The following USP34 variants were observed in gnomAD, a reference collection of about 807,000 sequenced individuals.
USP34 encodes ubiquitin specific peptidase 34.
Under a neutral mutation model 460.3 loss-of-function variants are expected in USP34, and 70 were observed. The ratio of observed to expected loss-of-function variants is 0.15; its 90% CI spans 0.13 to 0.19. USP34 has a LOEUF of 0.19. Ranked by LOEUF, USP34 falls within the 10% of genes least tolerant of loss-of-function variation. The pLI is 1.00. For synonymous variants in USP34, 1,647 were observed against 1,405.3 expected, an observed-to-expected ratio of 1.17 and a Z score of -3.85; for missense variants, 3,985 against 4,236.2, an observed-to-expected ratio of 0.94 and a Z score of 1.65.
At chr2:61,417,497 G>A (rs1694229493) in intron 2 of USP34, 3 of 223,286 alleles carry the variant, frequency 1.3e-5, no homozygotes, top group African/African-American at 6.8e-5. Context: ...AACTGTACCT[G>A]AGAAATCAGA....
At chr2:61,217,589 CACT>C in intron 67 of USP34, among the ~76,000 whole-genome samples, 1 of 152,254 alleles carries the variant, frequency 6.6e-6, no homozygotes, top group Admixed American at 6.5e-5. Context: ...TAAAATTTTT[CACT>C]ACTAAAAATC....
At position 61,223,120 on chromosome 2, in the gene USP34, T is replaced by C; in HGVS notation, c.7689A>G (p.Ile2563Met). Residue 2563 changes from isoleucine to methionine, a missense_variant, in exon 64 of 80, where the codon ATA becomes ATG. This residue lies in a region of USP34 where 604 missense variants were observed against 684.8 expected (regional missense o/e 0.88). Transcript: ENST00000398571. ...LFQHIRDGIN[I>M]RQTCNLIFSL... is the part of the protein sequence containing the mutation. ...TGAAAATCAGATTACAAGTTTGTCTTATATTGATGCCATCACGAATATGTT... is the reference window on the plus strand; with the variant it reads ...TGAAAATCAGATTACAAGTTTGTCTCATATTGATGCCATCACGAATATGTT... 6.2e-7 allele frequency: 1 copy of C among 1,614,160 alleles called. No homozygotes were observed. The highest frequency in any genetic ancestry group is 1.1e-5 in the South Asian group (1 of 91,078).
chr2:61,441,714 G>C (rs1010160538), intron 1 of USP34, among the ~76,000 whole-genome samples: 2 of 149,246 alleles, frequency 1.3e-5, no homozygotes, highest in African/African-American at 2.5e-5. Flanking sequence ...TGAGGTGGGA[G>C]AATCAACTGT....
chr2:61,229,076 T>C, intron 59 of USP34, 81 bp from the exon 60 acceptor site: 2 of 1,114,910 alleles, frequency 1.8e-6, no homozygotes, highest in Non-Finnish European at 2.4e-6. Context: ...TTTTAAACTC[T>C]GAATTTCTTT....
At chr2:61,371,933 G>A (rs911727323) in intron 8 of USP34, among the ~76,000 whole-genome samples, 18 of 152,108 alleles carry the variant, frequency 1.2e-4, no homozygotes, top group African/African-American at 4.3e-4. Context: ...GTACAGGCTT[G>A]GAGTCAAGCA....
In USP34 at chr2:61,208,912, A is replaced by C. The variant is rs1206486255; in HGVS notation, c.8906T>G (p.Ile2969Ser). 3.1e-6 allele frequency: 5 copies of C among 1,594,248 alleles called. No individual in the cohort carries two copies. Residue 2969 changes from isoleucine to serine, a missense_variant, in exon 70 of 80, where the codon ATT (isoleucine) becomes AGT (serine). Transcript: ENST00000398571. Reference sequence around the variant, plus strand: ...TAGAATATTTACCTCTGTCATTAGAATCAATCCTCGATTAAATACAACAAG... The same window carrying C: ...TAGAATATTTACCTCTGTCATTAGACTCAATCCTCGATTAAATACAACAAG... ...RLLVVFNRGL[I>S]LMTESFNTLH...
chr2:61,399,936 G>T (rs921448219), intron 3 of USP34, among the ~76,000 whole-genome samples: 2 of 144,668 alleles, frequency 1.4e-5, no homozygotes, highest in African/African-American at 5.1e-5. Flanking sequence ...TTAGGTAATC[G>T]CTGAGAAAGG....
intron 29 of USP34, among the ~76,000 whole-genome samples, chr2:61,300,442 C>A (rs1185980047): frequency 1.3e-5 from 2 of 151,458 alleles, no homozygotes; most frequent in Non-Finnish European, 2.9e-5. Flanking sequence ...CCATCTCAGC[C>A]TCCCAAAGTG....
chr2:61,324,922 G>T (rs1055460692), intron 21 of USP34, among the ~76,000 whole-genome samples: 3 of 152,040 alleles, frequency 2.0e-5, no homozygotes, highest in Non-Finnish European at 2.9e-5. Flanking sequence ...CATGAAAAAA[G>T]AATGAAATCA....
chr2:61,262,136 T>TATATATAG (rs1481737673), intron 43 of USP34, among the ~76,000 whole-genome samples: 3 of 124,280 alleles, frequency 2.4e-5, no homozygotes, highest in African/African-American at 9.5e-5. Context: ...TATATATAGA[T>TATATATAG]AGATAGATAG....
At chr2:61,224,727 A>G (rs1052891371) in intron 62 of USP34, among the ~76,000 whole-genome samples, 4 of 152,188 alleles carry the variant, frequency 2.6e-5, no homozygotes, top group Admixed American at 2.0e-4. Context: ...CTAAAAAAAA[A>G]TTTCTTTTTA....
chr2:61,440,847 T>G (rs934503058), intron 1 of USP34, among the ~76,000 whole-genome samples: 8 of 151,368 alleles, frequency 5.3e-5, no homozygotes, highest in Non-Finnish European at 1.2e-4. Context: ...AAAAAAAAAT[T>G]TCGGGTGCAG....
At chr2:61,349,123 G>T (rs1257003333) in intron 13 of USP34, 127 bp downstream of exon 13, 1 of 1,205,076 alleles carries the variant, frequency 8.3e-7, no homozygotes, top group Non-Finnish European at 1.2e-6. Flanking sequence ...TATGTTAAAG[G>T]TTTACATCTC....
At chr2:61,256,322 C>G in intron 48 of USP34, 62 bp downstream of exon 48, 1 of 1,421,594 alleles carries the variant, frequency 7.0e-7, no homozygotes, top group Non-Finnish European at 9.8e-7. Flanking sequence ...TCTTAGTTTA[C>G]CCTTAGTTTG....
At chr2:61,195,759 CCT>C (rs778199832) in intron 75 of USP34, among the ~76,000 whole-genome samples, 6 of 152,088 alleles carry the variant, frequency 3.9e-5, no homozygotes, top group Non-Finnish European at 7.4e-5. Flanking sequence ...TATAGTGTCC[CCT>C]CTTTGCAAAA....
At chr2:61,242,646 G>A (rs1224131503) in intron 51 of USP34, among the ~76,000 whole-genome samples, 20 of 152,120 alleles carry the variant, frequency 1.3e-4, no homozygotes, top group African/African-American at 9.7e-5. Flanking sequence ...GGCATATTAC[G>A]AGAATTTAGT....
chr2:61,201,211 G>GTTTT (rs59199472), intron 75 of USP34, among the ~76,000 whole-genome samples: 31 of 101,384 alleles, frequency 3.1e-4, no homozygotes, highest in Admixed American at 6.0e-4. Context: ...CTCATAGAAA[G>GTTTT]TTTTTTTTTT....
chr2:61,328,313 AT>A (rs1365439369), intron 20 of USP34, among the ~76,000 whole-genome samples: 2 of 151,778 alleles, frequency 1.3e-5, no homozygotes, highest in African/African-American at 4.8e-5. Context: ...AAAAAAAAAA[AT>A]AAAGTGAAAA....
chr2:61,310,997 C>A (rs1002823263), intron 27 of USP34, among the ~76,000 whole-genome samples: 1 of 152,058 alleles, frequency 6.6e-6, no homozygotes, highest in Non-Finnish European at 1.5e-5. Flanking sequence ...CTCTCAGCAT[C>A]TTCTTACCTA....
Sources: allele counts gnomAD v4.1 joint callset (sites outside exome capture counted in the v4.1 genomes callset), GRCh38; gene constraint gnomAD v4.1.1; regional missense constraint gnomAD v4.1.1; transcripts MANE v1.5; gene names NCBI Gene and HGNC (gene_info 2026-07-23, HGNC 2026-07-21).